ADRA1D: variants seen among roughly 807,000 people sequenced by gnomAD.
ADRA1D encodes alpha-1D adrenergic receptor.
ADRA1D carries 22 observed loss-of-function variants against 18.6 expected under a neutral mutation model. That is an observed-to-expected ratio of 1.19 (90% CI 0.85 to 1.69). The LOEUF (loss-of-function observed/expected upper bound fraction) is 1.69, where lower values mean the gene tolerates loss of function less well. ADRA1D is among the 40% of genes most tolerant of loss of function. ADRA1D has a pLI of 0.00. For synonymous variants in ADRA1D, 376 were observed against 388.2 expected, an observed-to-expected ratio of 0.97 and a Z score of 0.37; for missense variants, 840 against 840.7, an observed-to-expected ratio of 1.00 and a Z score of 0.01.
At chr20:4,225,016 T>TTA (rs869284742) in intron 1 of ADRA1D, among the ~76,000 whole-genome samples, 1 of 146,368 alleles carries the variant, frequency 6.8e-6, no homozygotes, top group South Asian at 2.4e-4. Flanking sequence ...TTTTTTTTTT[T>TTA]AAATAGATGG....
rs11476310 is a variant in ADRA1D at position 4,237,657 on chromosome 20, A to AT, written c.1111+10189dup. Among the ~76,000 whole-genome samples, 1,101 of 121,054 alleles carry AT rather than the reference A, an allele frequency of 9.1e-3. 20 individuals carry two copies. Among genetic ancestry groups the AT allele is most frequent in the African/African-American group, 0.027 (881 of 32,554 alleles). The allele number at this position is 121,054 out of a possible 152,430, so 79.4% of individuals were successfully genotyped here. A position where few individuals can be genotyped will look rare whatever the true frequency, so the allele number is the denominator to read the frequency against. ...TGTCCTAATCAAGACTAATGTCAGG[A>AT]TTTTTTTTTTTTTTTTTTTGAGATG... On this transcript the variant is annotated intron_variant, in intron 1 of 1. Coordinates refer to ENST00000379453, the MANE Select transcript of ADRA1D (RefSeq NM_000678.4).
At chr20:4,230,431 G>A (rs535427223) in intron 1 of ADRA1D, among the ~76,000 whole-genome samples, 2 of 152,308 alleles carry the variant, frequency 1.3e-5, no homozygotes, top group African/African-American at 4.8e-5. Context: ...CACGTCCTGT[G>A]CGGTAGATGT....
intron 1 of ADRA1D, among the ~76,000 whole-genome samples, chr20:4,230,381 A>T (rs1004709764): frequency 6.6e-6 from 1 of 152,224 alleles, no homozygotes; most frequent in African/African-American, 2.4e-5. Context: ...AGTTTGCTGA[A>T]TGAATCCCTC....
intron 1 of ADRA1D, among the ~76,000 whole-genome samples, chr20:4,224,606 T>TAGGG (rs1980747823): frequency 6.7e-6 from 1 of 148,418 alleles, no homozygotes; most frequent in African/African-American, 2.6e-5. Flanking sequence ...GGGCCAGGGG[T>TAGGG]GTTCCATCCT....
At chr20:4,238,078 C>G (rs891017182) in intron 1 of ADRA1D, among the ~76,000 whole-genome samples, 3 of 150,746 alleles carry the variant, frequency 2.0e-5, no homozygotes, top group Admixed American at 6.6e-5. Flanking sequence ...TGAAACCCCC[C>G]CCGTCTCTAC....
intron 1 of ADRA1D, among the ~76,000 whole-genome samples, chr20:4,236,789 C>T (rs1443285121): frequency 1.3e-5 from 2 of 152,068 alleles, no homozygotes; most frequent in African/African-American, 4.8e-5. Context: ...GCAACAGAAG[C>T]GGCAGTCGGA....
Position 4,227,704 on chromosome 20 carries a change from C to CTTCCTTCCT in ADRA1D, c.1112-5575_1112-5574insAGGAAGGAA, listed in dbSNP as rs1555820747. ...CTTCCCTCTCTCCCTCCCTCCCTCC[C>CTTCCTTCCT]TCCTTCCTTCCTTCCTTCCTTCCTT... On this transcript the variant is annotated intron_variant, in intron 1 of 1. Coordinates refer to ENST00000379453, the MANE Select transcript of ADRA1D (RefSeq NM_000678.4). 4.6e-4 allele frequency among the ~76,000 whole-genome samples: 43 copies of CTTCCTTCCT among 92,616 alleles called. 3 individuals carry two copies. Among genetic ancestry groups the CTTCCTTCCT allele is most frequent in the African/African-American group, 1.9e-3 (43 of 22,128 alleles). 60.8% of individuals were successfully genotyped at this position (92,616 alleles called of 152,430 possible). A position where few individuals can be genotyped will look rare whatever the true frequency, so the allele number is the denominator to read the frequency against.
At position 4,231,091 on chromosome 20, in the gene ADRA1D, T is replaced by C. The variant is rs1380747031; in HGVS notation, c.1112-8961A>G. On this transcript the variant is annotated intron_variant, in intron 1 of 1. Transcript: ENST00000379453. The stretch of plus-strand genomic sequence containing the variant: ...CTCTCTCTCTCTCTCTCTTTTCTTT[T>C]CTTTTCTTTCTTTCTTTCTCTCTTT... Among the ~76,000 whole-genome samples, 3 of 80,476 alleles carry C rather than the reference T, an allele frequency of 3.7e-5. 1 individual carries two copies. The highest frequency in any genetic ancestry group is 2.1e-4 in the African/African-American group (3 of 14,540). 52.8% of individuals were successfully genotyped at this position (80,476 alleles called of 152,430 possible).
chr20:4,227,322 G>A (rs1209495646), intron 1 of ADRA1D, among the ~76,000 whole-genome samples: 3 of 152,140 alleles, frequency 2.0e-5, no homozygotes, highest in Non-Finnish European at 4.4e-5. Context: ...TCCTTCTGAA[G>A]TCTCTCTTAC....
At chr20:4,244,200 G>A (rs1981280806) in intron 1 of ADRA1D, among the ~76,000 whole-genome samples, 1 of 152,206 alleles carries the variant, frequency 6.6e-6, no homozygotes, top group African/African-American at 2.4e-5. Context: ...GTGAGTGAGG[G>A]CACCCCAGGT....
Position 4,221,825 on chromosome 20 carries a change from CG to C in ADRA1D, c.1416del (p.Glu473AsnfsTer72). ...TGCATCTCGGGCGTGCCTGGGGGTT[CG>C]GGGTCGGGGTCGGGGAGCGCGGTGA... is the stretch of plus-strand genomic sequence containing the variant. ...LALTALPDPD[P>X]EPPGTPEMQA... On this transcript the variant is annotated frameshift_variant, in exon 2 of 2. Coordinates refer to ENST00000379453, the MANE Select transcript of ADRA1D (RefSeq NM_000678.4). LOFTEE classifies it low-confidence loss of function (END_TRUNC). 1 of 680,536 alleles carries C rather than the reference CG, an allele frequency of 1.5e-6. No individual in the cohort carries two copies. Among genetic ancestry groups the C allele is most frequent in the Non-Finnish European group, 2.1e-6 (1 of 469,296 alleles). 42.2% of individuals were successfully genotyped at this position (680,536 alleles called of 1,614,324 possible).
At chr20:4,236,718 A>T (rs1981101204) in intron 1 of ADRA1D, among the ~76,000 whole-genome samples, 1 of 152,196 alleles carries the variant, frequency 6.6e-6, no homozygotes, top group South Asian at 2.1e-4. Flanking sequence ...CAAAGTAATG[A>T]CAAGACTCCT....
At chr20:4,224,077 G>A (rs1309446484) in intron 1 of ADRA1D, among the ~76,000 whole-genome samples, 2 of 152,144 alleles carry the variant, frequency 1.3e-5, no homozygotes, top group Non-Finnish European at 2.9e-5. Flanking sequence ...TGGGTCCTGG[G>A]AATATCCTAT....
intron 1 of ADRA1D, among the ~76,000 whole-genome samples, chr20:4,225,051 G>C (rs964355539): frequency 3.4e-5 from 5 of 148,052 alleles, no homozygotes; most frequent in African/African-American, 1.2e-4. Context: ...ACCCAGGCTG[G>C]AGTGCAATGG....
intron 1 of ADRA1D, among the ~76,000 whole-genome samples, chr20:4,242,989 A>G (rs1314592810): frequency 2.0e-5 from 3 of 152,106 alleles, no homozygotes; most frequent in Non-Finnish European, 2.9e-5. Flanking sequence ...GAAAACACGC[A>G]GGAGGGACAC....
At position 4,221,401 on chromosome 20, in the gene ADRA1D, G is replaced by A. The variant is rs116224424; in HGVS notation, c.*122C>T. 1.2e-4 allele frequency: 129 copies of A among 1,100,844 alleles called. No homozygotes were observed. In the African/African-American group the frequency reaches 1.8e-3, roughly 15 times the overall value. The allele number at this position is 1,100,844 out of a possible 1,614,324, so 68.2% of individuals were successfully genotyped here. A position where few individuals can be genotyped will look rare whatever the true frequency, so the allele number is the denominator to read the frequency against. On this transcript the variant is annotated 3_prime_UTR_variant, in exon 2 of 2. Coordinates refer to ENST00000379453, the MANE Select transcript of ADRA1D (RefSeq NM_000678.4). Reference sequence around the variant, plus strand: ...CCCAGTTCCTCAGGGATGTCACAGAGCAGCTGCCCTGATCAGTTTCCGGGT... The same window carrying A: ...CCCAGTTCCTCAGGGATGTCACAGAACAGCTGCCCTGATCAGTTTCCGGGT...
intron 1 of ADRA1D, among the ~76,000 whole-genome samples, chr20:4,247,318 A>T (rs532607804): frequency 6.6e-6 from 1 of 152,306 alleles, no homozygotes; most frequent in East Asian, 1.9e-4. Flanking sequence ...AACTCGGGGC[A>T]CTCAGAAACA....
Position 4,220,660 on chromosome 20 carries a change from G to C in ADRA1D, c.*863C>G, listed in dbSNP as rs1460421076. On this transcript the variant is annotated 3_prime_UTR_variant, in exon 2 of 2. Coordinates refer to ENST00000379453, the MANE Select transcript of ADRA1D (RefSeq NM_000678.4). ...ATGTAGACCCAATCTATTCTGTTGC[G>C]GGCCTTTAGTTCTTGACAGACTTTA... 7 of 152,464 alleles carry C rather than the reference G, an allele frequency of 4.6e-5. No homozygotes were observed. The highest frequency in any genetic ancestry group is 1.5e-5 in the Non-Finnish European group (1 of 68,018). 9.4% of individuals were successfully genotyped at this position (152,464 alleles called of 1,614,324 possible).
At chr20:4,245,372 G>A (rs6116274) in intron 1 of ADRA1D, among the ~76,000 whole-genome samples, 4,467 of 152,256 alleles carry the variant, frequency 0.029, 222 homozygotes, top group African/African-American at 0.1. Context: ...GGATACAGAT[G>A]TTTGTAGTAA....
Sources: gnomAD v4.1 joint callset for allele counts (sites outside exome capture counted in the v4.1 genomes callset) on GRCh38, gnomAD v4.1.1 for gene constraint, MANE v1.5 for transcripts, NCBI Gene and HGNC (gene_info 2026-07-23, HGNC 2026-07-21) for gene names.